The following BBX variants were observed in gnomAD, a reference collection of about 807,000 sequenced individuals.
BBX encodes the protein HMG box transcription factor BBX.
BBX carries 30 observed loss-of-function variants against 100.2 expected under a neutral mutation model. That is an observed-to-expected ratio of 0.30 (90% CI 0.22 to 0.41). BBX has a LOEUF of 0.41. Among genes scored for constraint, BBX ranks in the 10% least tolerant of loss-of-function variants. The pLI, the probability that BBX is intolerant of heterozygous loss-of-function variation, is 1.00. For missense variants in BBX, 1,023 were observed against 1,129.8 expected (o/e 0.91, Z 1.35); for synonymous variants, 376 against 388.1 (o/e 0.97, Z 0.37).
intron 2 of BBX, among the ~76,000 whole-genome samples, chr3:107,642,860 T>G (rs1258913871): frequency 6.6e-6 from 1 of 152,150 alleles, no homozygotes; most frequent in Non-Finnish European, 1.5e-5. Flanking sequence ...CAGAATGACT[T>G]TTATTGAGCT....
In BBX at chr3:107,737,905, T is replaced by G. The variant is rs1028502033; in HGVS notation, c.669+4882T>G. 8.0e-3 allele frequency among the ~76,000 whole-genome samples: 1,151 copies of G among 143,170 alleles called. 18 individuals carry two copies. The highest frequency in any genetic ancestry group is 0.014 in the Middle Eastern group (4 of 286). The allele number at this position is 143,170 out of a possible 152,430, so 93.9% of individuals were successfully genotyped here. ...TCCAGTTTTTTTTTTTTTTTTTTTT[T>G]TTTTTTTTTAACTATTTGTATGATC... On this transcript the variant is annotated intron_variant, in intron 7 of 17. Coordinates refer to ENST00000325805, the MANE Select transcript of BBX (RefSeq NM_001142568.3).
intron 3 of BBX, among the ~76,000 whole-genome samples, chr3:107,671,521 G>GA (rs956712026): frequency 1.3e-5 from 2 of 151,610 alleles, no homozygotes; most frequent in Admixed American, 6.6e-5. Context: ...CACAAGCTGA[G>GA]AAAAAAAAGT....
At chr3:107,774,359 G>T (rs1187503873) in intron 11 of BBX, among the ~76,000 whole-genome samples, 1 of 152,096 alleles carries the variant, frequency 6.6e-6, no homozygotes, top group Non-Finnish European at 1.5e-5. Context: ...TTCATCCCCA[G>T]GGATGTCAGT....
At chr3:107,724,360 C>CTGTT in intron 5 of BBX, among the ~76,000 whole-genome samples, 2 of 152,170 alleles carry the variant, frequency 1.3e-5, no homozygotes, top group South Asian at 4.2e-4. Flanking sequence ...TGTAGGTTGC[C>CTGTT]TGTTCACTCT....
At chr3:107,626,241 T>A (rs369678489) in intron 2 of BBX, among the ~76,000 whole-genome samples, 4 of 152,272 alleles carry the variant, frequency 2.6e-5, no homozygotes, top group African/African-American at 9.6e-5. Flanking sequence ...AATGTTTTGG[T>A]GAAATGACCA....
At chr3:107,581,616 T>C (rs180972241) in intron 2 of BBX, among the ~76,000 whole-genome samples, 69 of 152,254 alleles carry the variant, frequency 4.5e-4, no homozygotes, top group African/African-American at 1.6e-3. Flanking sequence ...TGGTCTTCTG[T>C]GCTGTGGGCA....
At chr3:107,708,241 A>G (rs922507767) in intron 3 of BBX, among the ~76,000 whole-genome samples, 3 of 152,216 alleles carry the variant, frequency 2.0e-5, no homozygotes, top group Non-Finnish European at 2.9e-5. Context: ...TTAGTTTTCA[A>G]TAACTTCTTG....
At chr3:107,533,664 G>C (rs1287196828) in intron 2 of BBX, among the ~76,000 whole-genome samples, 1 of 152,062 alleles carries the variant, frequency 6.6e-6, no homozygotes, top group Non-Finnish European at 1.5e-5. Flanking sequence ...GTTGTTTTTA[G>C]TTTTATTAAA....
Position 107,801,608 on chromosome 3 carries a change from C to T in BBX, c.2738+327C>T, listed in dbSNP as rs73850173. Among the ~76,000 whole-genome samples, 601 of 152,270 alleles carry T rather than the reference C, an allele frequency of 3.9e-3. 9 individuals carry two copies. The highest frequency in any genetic ancestry group is 0.014 in the African/African-American group (570 of 41,532). On this transcript the variant is annotated intron_variant, in intron 17 of 17. Transcript: ENST00000325805. ...ACTGAGGTTTGAGTCCTAGCTCCAT[C>T]ACCTGCAAACCGAAAGATCTTGACC... is the stretch of plus-strand genomic sequence containing the variant.
At chr3:107,751,768 A>G (rs376205312) in intron 9 of BBX, among the ~76,000 whole-genome samples, 1 of 151,600 alleles carries the variant, frequency 6.6e-6, no homozygotes, top group South Asian at 2.1e-4. Context: ...CACCACCCCC[A>G]ATTTCAGCCT....
intron 2 of BBX, among the ~76,000 whole-genome samples, chr3:107,529,586 A>C (rs1372189009): frequency 6.6e-6 from 1 of 152,222 alleles, no homozygotes; most frequent in Admixed American, 6.5e-5. Context: ...ACTGTCATTC[A>C]GTCACTGGGT....
intron 5 of BBX, among the ~76,000 whole-genome samples, chr3:107,722,130 T>C (rs964223640): frequency 3.3e-5 from 5 of 152,016 alleles, no homozygotes; most frequent in Admixed American, 3.3e-4. Flanking sequence ...AACATAGATG[T>C]TAATTAAGTG....
intron 3 of BBX, chr3:107,659,663 T>TG: frequency 8.8e-7 from 1 of 1,138,032 alleles, no homozygotes; most frequent in Non-Finnish European, 1.2e-6. Context: ...GCTGTCTGGC[T>TG]GCAGGGTTTG....
intron 4 of BBX, among the ~76,000 whole-genome samples, chr3:107,715,389 A>G (rs1172694308): frequency 1.3e-5 from 2 of 152,216 alleles, no homozygotes; most frequent in Non-Finnish European, 1.5e-5. Context: ...ACTCTGCTGC[A>G]TAATGCAGAC....
At chr3:107,609,924 C>G (rs1018681724) in intron 2 of BBX, among the ~76,000 whole-genome samples, 5 of 151,722 alleles carry the variant, frequency 3.3e-5, no homozygotes, top group African/African-American at 7.3e-5. Flanking sequence ...TTGGTTTGCC[C>G]TTACTTTTCT....
chr3:107,571,506 T>A (rs910192950), intron 2 of BBX, among the ~76,000 whole-genome samples: 2 of 151,840 alleles, frequency 1.3e-5, no homozygotes, highest in Non-Finnish European at 2.9e-5. Context: ...TGAAGGGTAG[T>A]GAGAGAGGGA....
chr3:107,609,843 T>C (rs2054712030), intron 2 of BBX, among the ~76,000 whole-genome samples: 1 of 152,124 alleles, frequency 6.6e-6, no homozygotes, highest in South Asian at 2.1e-4. Context: ...GTTGATATTT[T>C]GTATTGTTTT....
Position 107,621,196 on chromosome 3 carries a change from G to T in BBX, c.-83-24640G>T, listed in dbSNP as rs530082932. ...TTTCCTGCTCCTTTGGCTAGAGAAAGCTGACTTTTGGGGGGAGCTGGCTTT... is the reference window on the plus strand; with the variant it reads ...TTTCCTGCTCCTTTGGCTAGAGAAATCTGACTTTTGGGGGGAGCTGGCTTT... On this transcript the variant is annotated intron_variant, in intron 2 of 17. Transcript: ENST00000325805. Among the ~76,000 whole-genome samples the T allele has an allele frequency of 2.0e-5, 3 of 152,244 alleles. No homozygotes were observed. In the East Asian group the frequency reaches 5.8e-4, roughly 29 times the overall value.
chr3:107,694,100 A>T (rs1319453972), intron 3 of BBX, among the ~76,000 whole-genome samples: 1 of 129,844 alleles, frequency 7.7e-6, no homozygotes, highest in Non-Finnish European at 1.6e-5. Context: ...TTGGGCTGAG[A>T]CAATGGGGTT....
Sources: gnomAD v4.1 joint callset for allele counts (sites outside exome capture counted in the v4.1 genomes callset) on GRCh38, gnomAD v4.1.1 for gene constraint, MANE v1.5 for transcripts, NCBI Gene and HGNC (gene_info 2026-07-23, HGNC 2026-07-21) for gene names.